ZNF678: variants seen among roughly 807,000 people sequenced by gnomAD.
The protein encoded by ZNF678 is zinc finger protein 678, also known as hypothetical protein MGC42493.
ZNF678 carries 5 observed loss-of-function variants against 3.0 expected under a neutral mutation model. The ratio of observed to expected loss-of-function variants is 1.69; its 90% CI spans 0.88 to 3.56. ZNF678 has a LOEUF of 3.56. Among genes scored for constraint, ZNF678 ranks in the 30% most tolerant of loss-of-function variants. The probability of loss-of-function intolerance (pLI) is 0.00; values close to 1 mark genes in which losing one functional copy is unlikely to be tolerated. For synonymous variants in ZNF678, 218 were observed against 199.6 expected, an observed-to-expected ratio of 1.09 and a Z score of -0.78; for missense variants, 593 against 605.0, an observed-to-expected ratio of 0.98 and a Z score of 0.21.
rs1026407512 is a variant in ZNF678, at chr1:227,661,504, A to G, written c.*5676A>G. ...CAGTAAAATTCAGAAAAAAATAATA[A>G]ATATGAACAGCCACAGCATGCCCAG... On this transcript the variant is annotated 3_prime_UTR_variant, in exon 4 of 4. Coordinates refer to ENST00000343776, the MANE Select transcript of ZNF678 (RefSeq NM_001367909.1). The G allele has an allele frequency of 2.6e-5, 4 of 152,180 alleles. No individual in the cohort carries two copies. Among genetic ancestry groups the G allele is most frequent in the African/African-American group, 9.6e-5 (4 of 41,452 alleles). 9.4% of individuals were successfully genotyped at this position (152,180 alleles called of 1,614,324 possible).
intron 1 of ZNF678, among the ~76,000 whole-genome samples, chr1:227,614,351 C>T (rs1265218022): frequency 1.3e-5 from 2 of 152,182 alleles, no homozygotes; most frequent in Admixed American, 1.3e-4. Context: ...ACACCTTTAC[C>T]CTGGCACTCA....
At chr1:227,637,275 G>A (rs1429887264) in intron 1 of ZNF678, among the ~76,000 whole-genome samples, 1 of 152,242 alleles carries the variant, frequency 6.6e-6, no homozygotes, top group African/African-American at 2.4e-5. Context: ...TTAGCACAGT[G>A]CTTTGGGGGG....
intron 2 of ZNF678, among the ~76,000 whole-genome samples, chr1:227,649,381 G>A (rs1014855684): frequency 1.3e-5 from 2 of 152,110 alleles, no homozygotes; most frequent in African/African-American, 4.8e-5. Flanking sequence ...ATGGAGTTTT[G>A]CTCTTGTTGC....
At chr1:227,669,304 A>G (rs1448430682) in intron 5 of ZNF678, among the ~76,000 whole-genome samples, 1 of 152,196 alleles carries the variant, frequency 6.6e-6, no homozygotes, top group Non-Finnish European at 1.5e-5. Flanking sequence ...CAATGAACAT[A>G]TCAAAAAATA....
chr1:227,636,568 G>A (rs1394135260), intron 1 of ZNF678, among the ~76,000 whole-genome samples: 1 of 152,218 alleles, frequency 6.6e-6, no homozygotes, highest in Non-Finnish European at 1.5e-5. Flanking sequence ...CAAGTGGCAG[G>A]ACCATAATAT....
chr1:227,576,629 C>T (rs1207495322), intron 1 of ZNF678, among the ~76,000 whole-genome samples: 2 of 152,068 alleles, frequency 1.3e-5, no homozygotes, highest in Non-Finnish European at 2.9e-5. Context: ...TGAATCTTCT[C>T]TCTTTTTTAC....
Position 227,659,252 on chromosome 1 carries a change from A to G in ZNF678, c.*3424A>G, listed in dbSNP as rs1200079956. ...GGAAGTTTCTTACTCATATCACAAT[A>G]TGTTTTATTTAAATGGATGCAGCTT... is the stretch of plus-strand genomic sequence containing the variant. On this transcript the variant is annotated 3_prime_UTR_variant, in exon 4 of 4. Coordinates refer to ENST00000343776, the MANE Select transcript of ZNF678 (RefSeq NM_001367909.1). The G allele has an allele frequency of 6.6e-6, 1 of 152,120 alleles. No homozygotes were observed. Among genetic ancestry groups the G allele is most frequent in the African/African-American group, 2.4e-5 (1 of 41,426 alleles). 9.4% of individuals were successfully genotyped at this position (152,120 alleles called of 1,614,324 possible).
At chr1:227,612,701 T>C (rs2102761883) in intron 1 of ZNF678, among the ~76,000 whole-genome samples, 1 of 152,322 alleles carries the variant, frequency 6.6e-6, no homozygotes, top group African/African-American at 2.4e-5. Context: ...GCTTAAGCCA[T>C]CCAGAACTGG....
chr1:227,613,443 G>T (rs1658071905), intron 1 of ZNF678, among the ~76,000 whole-genome samples: 1 of 152,160 alleles, frequency 6.6e-6, no homozygotes, highest in African/African-American at 2.4e-5. Flanking sequence ...TCTTTTTCCA[G>T]TTACTGTTAC....
intron 5 of ZNF678, among the ~76,000 whole-genome samples, chr1:227,672,773 G>T (rs1659622620): frequency 2.0e-5 from 3 of 152,210 alleles, no homozygotes; most frequent in South Asian, 4.1e-4. Context: ...ACTAGCTTTT[G>T]ATTGTCTCCG....
chr1:227,629,686 T>A (rs1309513779), intron 1 of ZNF678, among the ~76,000 whole-genome samples: 1 of 152,272 alleles, frequency 6.6e-6, no homozygotes, highest in African/African-American at 2.4e-5. Context: ...CCCTCATTCC[T>A]GCTGCTGGAT....
At chr1:227,600,269 A>G (rs1423537968) in intron 1 of ZNF678, among the ~76,000 whole-genome samples, 2 of 152,216 alleles carry the variant, frequency 1.3e-5, no homozygotes, top group Non-Finnish European at 2.9e-5. Context: ...TGCAGTGAAC[A>G]TAAGTGTGCA....
At chr1:227,573,925 T>C (rs2102719246) in intron 1 of ZNF678, among the ~76,000 whole-genome samples, 2 of 152,368 alleles carry the variant, frequency 1.3e-5, no homozygotes, top group South Asian at 2.1e-4. Flanking sequence ...TATGCAGTAT[T>C]TGTTTTTCTG....
chr1:227,611,045 A>G (rs1482789484), intron 1 of ZNF678, among the ~76,000 whole-genome samples: 1 of 152,224 alleles, frequency 6.6e-6, no homozygotes, highest in Non-Finnish European at 1.5e-5. Context: ...CTGACCTGGC[A>G]GACATGTTTT....
chr1:227,655,128 A>G lies in ZNF678; in HGVS notation c.878A>G (p.Tyr293Cys). 2 of 1,613,156 alleles carry G rather than the reference A, an allele frequency of 1.2e-6. No homozygotes were observed. The highest frequency in any genetic ancestry group is 1.7e-6 in the Non-Finnish European group (2 of 1,179,612). Reference protein sequence around the residue: ...HRRIHTGEKPYKCEECGKAFT... With the variant: ...HRRIHTGEKPCKCEECGKAFT... ...AGAATTCATACTGGAGAGAAACCCT[A>G]CAAATGTGAAGAATGTGGCAAAGCC... Residue 293 changes from tyrosine to cysteine, a missense_variant, in exon 4 of 4, where the codon TAC becomes TGC. Transcript: ENST00000343776.
intron 1 of ZNF678, among the ~76,000 whole-genome samples, chr1:227,612,159 A>G (rs1558142973): frequency 1.3e-5 from 2 of 152,118 alleles, no homozygotes; most frequent in Admixed American, 6.5e-5. Context: ...TGGATGGGCA[A>G]CATCTATCAT....
intron 1 of ZNF678, among the ~76,000 whole-genome samples, chr1:227,628,332 A>G (rs780435444): frequency 2.0e-5 from 3 of 152,068 alleles, no homozygotes; most frequent in African/African-American, 4.8e-5. Flanking sequence ...GTCTTGCTCC[A>G]TTGGCAAGCT....
chr1:227,564,463 A>G (rs1656617048), intron 1 of ZNF678, among the ~76,000 whole-genome samples: 1 of 152,238 alleles, frequency 6.6e-6, no homozygotes, highest in Non-Finnish European at 1.5e-5. Context: ...ACTGCACAAG[A>G]GACTGCTTTT....
chr1:227,669,610 C>T (rs995322940), intron 5 of ZNF678, among the ~76,000 whole-genome samples: 1 of 149,980 alleles, frequency 6.7e-6, no homozygotes, highest in Non-Finnish European at 1.5e-5. Context: ...AATCGTGCCA[C>T]TGCGCGCCAG....
Sources: allele counts gnomAD v4.1 joint callset (sites outside exome capture counted in the v4.1 genomes callset), GRCh38; gene constraint gnomAD v4.1.1; transcripts MANE v1.5; gene names NCBI Gene and HGNC (gene_info 2026-07-23, HGNC 2026-07-21).